The following TSHZ2 variants were observed in gnomAD, a reference collection of about 807,000 sequenced individuals.
TSHZ2 encodes the protein teashirt homolog 2.
TSHZ2 carries 21 observed loss-of-function variants against 74.4 expected under a neutral mutation model. The ratio of observed to expected loss-of-function variants is 0.28; its 90% CI spans 0.20 to 0.41. TSHZ2 has a LOEUF of 0.41. Among genes scored for constraint, TSHZ2 ranks in the 10% least tolerant of loss-of-function variants. TSHZ2 has a pLI of 1.00. For synonymous variants in TSHZ2, 540 were observed against 515.3 expected, an observed-to-expected ratio of 1.05 and a Z score of -0.65; for missense variants, 1,244 against 1,293.5, an observed-to-expected ratio of 0.96 and a Z score of 0.59.
chr20:53,453,222 CT>C (rs1984878864), intron 2 of TSHZ2: 1 of 152,206 alleles, frequency 6.6e-6, no homozygotes, highest in Non-Finnish European at 1.5e-5. Context: ...ACTTTGTCTT[CT>C]AGACTTTGAA....
chr20:53,460,096 G>T (rs1353931163), intron 2 of TSHZ2, among the ~76,000 whole-genome samples: 1 of 151,902 alleles, frequency 6.6e-6, no homozygotes, highest in Non-Finnish European at 1.5e-5. Context: ...GAAGCTGAAC[G>T]TTGGCCTGCC....
intron 1 of TSHZ2, among the ~76,000 whole-genome samples, chr20:52,984,332 C>G (rs1981672755): frequency 1.3e-5 from 2 of 152,108 alleles, no homozygotes; most frequent in Non-Finnish European, 1.5e-5. Flanking sequence ...GTGTCAGGGT[C>G]TGGTGTTTGC....
chr20:53,350,462 C>A (rs759732117), intron 2 of TSHZ2, among the ~76,000 whole-genome samples: 14 of 152,162 alleles, frequency 9.2e-5, no homozygotes, highest in Non-Finnish European at 1.8e-4. Context: ...TGACCAGCAA[C>A]CCCAGGACTG....
chr20:53,094,117 G>A (rs1026027076), intron 1 of TSHZ2, among the ~76,000 whole-genome samples: 1 of 151,146 alleles, frequency 6.6e-6, no homozygotes, highest in African/African-American at 2.4e-5. Context: ...TTACTGTATC[G>A]TCTGCAGATG....
At chr20:53,141,798 G>A (rs1600709440) in intron 1 of TSHZ2, among the ~76,000 whole-genome samples, 1 of 152,252 alleles carries the variant, frequency 6.6e-6, no homozygotes, top group East Asian at 1.9e-4. Context: ...GCTTGTCAGT[G>A]TGATGAAGTG....
At chr20:53,292,447 A>ATT (rs149635565) in intron 2 of TSHZ2, among the ~76,000 whole-genome samples, 1,784 of 141,380 alleles carry the variant, frequency 0.013, 23 homozygotes, top group African/African-American at 0.017. Flanking sequence ...CAAACCACCT[A>ATT]TTTTTTTTTT....
At chr20:53,232,666 G>A (rs1361260552) in intron 1 of TSHZ2, among the ~76,000 whole-genome samples, 1 of 152,044 alleles carries the variant, frequency 6.6e-6, no homozygotes, top group Non-Finnish European at 1.5e-5. Flanking sequence ...GGAGTTAGAG[G>A]CTGCAATTAG....
intron 1 of TSHZ2, among the ~76,000 whole-genome samples, chr20:53,011,582 AT>A (rs1054828099): frequency 6.6e-6 from 1 of 152,036 alleles, no homozygotes; most frequent in African/African-American, 2.4e-5. Context: ...TTCTGAGATG[AT>A]TTTTTTTGAA....
intron 1 of TSHZ2, among the ~76,000 whole-genome samples, chr20:53,250,491 T>TA (rs914275118): frequency 7.2e-5 from 11 of 152,032 alleles, no homozygotes; most frequent in Non-Finnish European, 1.3e-4. Context: ...GGTGTTTTTT[T>TA]AAAAAAAACT....
chr20:53,432,958 A>G (rs1382698641), intron 2 of TSHZ2, among the ~76,000 whole-genome samples: 1 of 152,196 alleles, frequency 6.6e-6, no homozygotes. Flanking sequence ...GGATTAGAAG[A>G]TGTCTCTGTG....
In TSHZ2 at chr20:53,157,216, A is replaced by AT. The variant is rs11480240; in HGVS notation, c.41-96275dup. On this transcript the variant is annotated intron_variant, in intron 1 of 2. Coordinates refer to ENST00000371497, the MANE Select transcript of TSHZ2 (RefSeq NM_173485.6). ...TTGAAATTTAGTAATTCTAGGAACA[A>AT]TTTTTTTTAGAGCTTAGATCCTTAT... Among the ~76,000 whole-genome samples, 817 of 152,028 alleles carry AT rather than the reference A, an allele frequency of 5.4e-3. 10 individuals are homozygous for AT. The highest frequency in any genetic ancestry group is 0.019 in the African/African-American group (786 of 41,470).
chr20:52,998,059 G>A (rs1177698451), intron 1 of TSHZ2, among the ~76,000 whole-genome samples: 1 of 152,206 alleles, frequency 6.6e-6, no homozygotes, highest in Non-Finnish European at 1.5e-5. Flanking sequence ...TTTTAGAAGA[G>A]TTAGCCTACC....
At chr20:53,160,678 G>A (rs1036601056) in intron 1 of TSHZ2, among the ~76,000 whole-genome samples, 4 of 150,596 alleles carry the variant, frequency 2.7e-5, no homozygotes, top group African/African-American at 9.9e-5. Flanking sequence ...CCGGGAGGTG[G>A]AGGTTGCAGT....
chr20:52,983,884 G>A (rs1198491314), intron 1 of TSHZ2, among the ~76,000 whole-genome samples: 1 of 152,184 alleles, frequency 6.6e-6, no homozygotes, highest in Non-Finnish European at 1.5e-5. Context: ...GAGCCCCCCA[G>A]GACCTGGCAA....
chr20:53,390,712 G>A (rs932569756), intron 2 of TSHZ2, among the ~76,000 whole-genome samples: 1 of 152,158 alleles, frequency 6.6e-6, no homozygotes, highest in Admixed American at 6.5e-5. Context: ...CTAGATCCTT[G>A]AGGAATCGCC....
intron 2 of TSHZ2, among the ~76,000 whole-genome samples, chr20:53,377,285 T>C (rs1981692111): frequency 6.6e-6 from 1 of 152,172 alleles, no homozygotes; most frequent in Non-Finnish European, 1.5e-5. Flanking sequence ...GTCACCTCAG[T>C]TCAAAGCTAT....
intron 2 of TSHZ2, among the ~76,000 whole-genome samples, chr20:53,260,405 C>T (rs1990579805): frequency 2.0e-5 from 3 of 152,162 alleles, no homozygotes; most frequent in African/African-American, 7.2e-5. Flanking sequence ...TCTAGAAAGC[C>T]ATCGTTCCAC....
At position 53,254,477 on chromosome 20, in the gene TSHZ2, T is replaced by G. The variant is rs750733002; in HGVS notation, c.1019T>G (p.Phe340Cys). Reference sequence around the variant, plus strand: ...TCCCCCGATTCAACCACAGGATCTTTTGCAGATTCTTTTTCTTCTCAGAAG... The same window carrying G: ...TCCCCCGATTCAACCACAGGATCTTGTGCAGATTCTTTTTCTTCTCAGAAG... Reference protein sequence around the residue: ...PCSPDSTTGSFADSFSSQKNA... With the variant: ...PCSPDSTTGSCADSFSSQKNA... Residue 340 changes from phenylalanine to cysteine, a missense_variant, in exon 2 of 3, where the codon TTT (phenylalanine) becomes TGT (cysteine). Physicochemically the swap from Phe to Cys is radical, Grantham distance 205. Around this residue, in one of 6 missense-constraint regions of TSHZ2, gnomAD observed 470 missense variants for 456.5 expected, o/e 1.03. Transcript: ENST00000371497. 1.1e-5 allele frequency: 18 copies of G among 1,613,954 alleles called. No individual in the cohort carries two copies. The highest frequency in any genetic ancestry group is 1.3e-5 in the Non-Finnish European group (15 of 1,179,920).
chr20:53,013,632 AT>A (rs1179979138), intron 1 of TSHZ2, among the ~76,000 whole-genome samples: 13 of 152,152 alleles, frequency 8.5e-5, no homozygotes, highest in African/African-American at 3.1e-4. Context: ...CATCCCTTTA[AT>A]TGTGGTCTAA....
Sources: allele counts gnomAD v4.1 joint callset (sites outside exome capture counted in the v4.1 genomes callset), GRCh38; gene constraint gnomAD v4.1.1; regional missense constraint gnomAD v4.1.1; transcripts MANE v1.5; gene names NCBI Gene and HGNC (gene_info 2026-07-23, HGNC 2026-07-21).